The following DTNB variants were observed in gnomAD, a reference collection of about 807,000 sequenced individuals.
DTNB encodes dystrobrevin beta.
Under a neutral mutation model 90.7 loss-of-function variants are expected in DTNB, and 63 were observed. That is an observed-to-expected ratio of 0.69 (90% CI 0.57 to 0.86). The LOEUF is 0.86. Among genes scored for constraint, DTNB ranks in the 40% least tolerant of loss-of-function variants. The pLI is 0.00. For missense variants in DTNB, 744 were observed against 807.1 expected (o/e 0.92, Z 0.95); for synonymous variants, 277 against 286.7 (o/e 0.97, Z 0.34).
chr2:25,392,493 C>T (rs1382979987), intron 16 of DTNB, among the ~76,000 whole-genome samples: 1 of 151,996 alleles, frequency 6.6e-6, no homozygotes, highest in African/African-American at 2.4e-5. Context: ...AATTGATAGA[C>T]CATTAGCAAG....
Position 25,556,170 on chromosome 2 carries a change from C to CTTTTTTT in DTNB, c.876+20661_876+20667dup, listed in dbSNP as rs60714399. Among the ~76,000 whole-genome samples the CTTTTTTT allele has an allele frequency of 9.8e-3, 1,032 of 105,508 alleles. 22 individuals carry two copies. The highest frequency in any genetic ancestry group is 0.018 in the East Asian group (58 of 3,168). The allele number at this position is 105,508 out of a possible 152,430, so 69.2% of individuals were successfully genotyped here. A position where few individuals can be genotyped will look rare whatever the true frequency, so the allele number is the denominator to read the frequency against. ...ATGTTTTGGTGTTTTGGCCATCTCT[C>CTTTTTTT]TTTTTTTTTTTTTTTTTTTTTGCCA... On this transcript the variant is annotated intron_variant, in intron 8 of 20. Transcript: ENST00000406818.
intron 19 of DTNB, among the ~76,000 whole-genome samples, chr2:25,382,927 G>A (rs1247592773): frequency 6.6e-6 from 1 of 152,110 alleles, no homozygotes; most frequent in East Asian, 1.9e-4. Flanking sequence ...ACAGTGTTAA[G>A]GATTAGATGA....
At chr2:25,566,330 T>C (rs1343150317) in intron 8 of DTNB, among the ~76,000 whole-genome samples, 2 of 152,158 alleles carry the variant, frequency 1.3e-5, no homozygotes, top group Non-Finnish European at 2.9e-5. Flanking sequence ...CAGGAGGCCC[T>C]CTAAGCCCTA....
intron 9 of DTNB, among the ~76,000 whole-genome samples, chr2:25,487,669 G>A (rs1387345529): frequency 2.0e-5 from 3 of 152,132 alleles, no homozygotes; most frequent in Admixed American, 6.5e-5. Flanking sequence ...AGGAGGCATC[G>A]TTGAGAACAG....
intron 8 of DTNB, among the ~76,000 whole-genome samples, chr2:25,541,870 C>A (rs1018175687): frequency 1.3e-5 from 2 of 152,174 alleles, no homozygotes; most frequent in African/African-American, 4.8e-5. Context: ...ATTTTGAATT[C>A]CACCAATAGT....
chr2:25,617,339 G>A (rs567843850), intron 4 of DTNB, among the ~76,000 whole-genome samples: 2 of 152,302 alleles, frequency 1.3e-5, no homozygotes, highest in Admixed American at 1.3e-4. Context: ...TTACAGACAG[G>A]AGAGATTTGG....
intron 8 of DTNB, among the ~76,000 whole-genome samples, chr2:25,548,676 G>A (rs2082962105): frequency 6.6e-6 from 1 of 152,122 alleles, no homozygotes; most frequent in Non-Finnish European, 1.5e-5. Context: ...AGGTAAGGGG[G>A]TCAGGTGGGC....
At chr2:25,460,314 T>C (rs182118131) in intron 10 of DTNB, among the ~76,000 whole-genome samples, 28 of 152,198 alleles carry the variant, frequency 1.8e-4, no homozygotes, top group Admixed American at 1.7e-3. Context: ...AGATATGTAT[T>C]AAATATCCAA....
intron 16 of DTNB, among the ~76,000 whole-genome samples, chr2:25,402,512 G>A (rs1206088125): frequency 1.3e-5 from 2 of 151,804 alleles, no homozygotes; most frequent in African/African-American, 4.9e-5. Context: ...GATGAACTTG[G>A]CTTCTAGACA....
At chr2:25,406,118 G>A (rs1448723969) in intron 16 of DTNB, among the ~76,000 whole-genome samples, 2 of 152,072 alleles carry the variant, frequency 1.3e-5, no homozygotes, top group Non-Finnish European at 2.9e-5. Flanking sequence ...GCAGAGGAGG[G>A]ATCTGTGGGG....
At position 25,480,018 on chromosome 2, in the gene DTNB, C is replaced by T. The variant is rs550131942; in HGVS notation, c.1079+2778G>A. ...CCACATTCAGAGGAGGGAAGAAAAG[C>T]TGAGGAGTCATTAAGGAAACAAGTA... On this transcript the variant is annotated intron_variant, in intron 10 of 20. Coordinates refer to ENST00000406818, the MANE Select transcript of DTNB (RefSeq NM_021907.5). Among the ~76,000 whole-genome samples the T allele has an allele frequency of 9.9e-5, 15 of 152,210 alleles. No homozygotes were observed. The East Asian group carries it at 2.3e-3, about 24-fold the overall frequency.
At chr2:25,594,614 T>G (rs1003274139) in intron 6 of DTNB, among the ~76,000 whole-genome samples, 1 of 152,246 alleles carries the variant, frequency 6.6e-6, no homozygotes, top group Non-Finnish European at 1.5e-5. Flanking sequence ...AGAATCTAGT[T>G]TACAACATCC....
chr2:25,526,352 A>AATATATATATAT (rs1553487277), intron 9 of DTNB, among the ~76,000 whole-genome samples: 1 of 103,712 alleles, frequency 9.6e-6, no homozygotes, highest in Non-Finnish European at 1.7e-5. Context: ...AGCACTTATA[A>AATATATATATAT]ATATATATAA....
At chr2:25,532,823 T>C (rs917380542) in intron 8 of DTNB, among the ~76,000 whole-genome samples, 2 of 152,242 alleles carry the variant, frequency 1.3e-5, no homozygotes, top group African/African-American at 2.4e-5. Context: ...TGCAGCTGTC[T>C]GCCTCATCAA....
chr2:25,438,618 A>C (rs911832942), intron 12 of DTNB, among the ~76,000 whole-genome samples: 1 of 152,214 alleles, frequency 6.6e-6, no homozygotes, highest in Non-Finnish European at 1.5e-5. Context: ...GAACAGACAA[A>C]TTTCCCATAC....
chr2:25,417,848 T>TTTTG lies in DTNB; in HGVS notation c.1575+1666_1575+1667insCAAA, dbSNP rs2048350618. ...CCTCTCCCTCCAACAGTCTCACTCA[T>TTTTG]TTGTCTACTTGGGGGAGGTATTTCC... On this transcript the variant is annotated intron_variant, in intron 16 of 20. Coordinates refer to ENST00000406818, the MANE Select transcript of DTNB (RefSeq NM_021907.5). 2.0e-5 allele frequency among the ~76,000 whole-genome samples: 3 copies of TTTTG among 152,274 alleles called. 1 individual carries two copies. The South Asian group carries it at 6.2e-4, about 32-fold the overall frequency.
chr2:25,615,858 G>A (rs1285649293), intron 4 of DTNB, among the ~76,000 whole-genome samples: 2 of 152,090 alleles, frequency 1.3e-5, no homozygotes, highest in Non-Finnish European at 2.9e-5. Flanking sequence ...TCCTCAATAA[G>A]GTATGAGAAT....
At position 25,451,749 on chromosome 2, in the gene DTNB, T is replaced by C. The variant is rs374653728; in HGVS notation, c.1170-114A>G. On this transcript the variant is annotated intron_variant, in intron 11 of 20. Coordinates refer to ENST00000406818, the MANE Select transcript of DTNB (RefSeq NM_021907.5). ...CATAAAAGAATGGTAATAAAAGAAC[T>C]AGAGGCCTGGGTCATAGATACTAAT... 3.2e-5 allele frequency: 34 copies of C among 1,050,906 alleles called. No individual in the cohort carries two copies. In the South Asian group the frequency reaches 7.7e-4, roughly 24 times the overall value. 65.1% of individuals were successfully genotyped at this position (1,050,906 alleles called of 1,614,324 possible). A position where few individuals can be genotyped will look rare whatever the true frequency, so the allele number is the denominator to read the frequency against.
chr2:25,395,245 A>G (rs2042095181), intron 16 of DTNB, among the ~76,000 whole-genome samples: 2 of 152,140 alleles, frequency 1.3e-5, no homozygotes, highest in African/African-American at 4.8e-5. Flanking sequence ...TGGGGTGTGG[A>G]AAAGGATAAA....
Sources: allele counts gnomAD v4.1 joint callset (sites outside exome capture counted in the v4.1 genomes callset), GRCh38; gene constraint gnomAD v4.1.1; transcripts MANE v1.5; gene names NCBI Gene and HGNC (gene_info 2026-07-23, HGNC 2026-07-21).